Variants in PKNOX2 observed in about 807,000 individuals in gnomAD.
PKNOX2 encodes the protein homeobox protein PKNOX2.
In PKNOX2, 14 loss-of-function variants were observed where a neutral mutation model predicts 53.1. The observed-to-expected ratio is 0.26, with a 90% confidence interval of 0.17 to 0.41. The LOEUF (loss-of-function observed/expected upper bound fraction) is 0.41. Ranked by LOEUF, PKNOX2 falls within the 10% of genes least tolerant of loss-of-function variation. PKNOX2 has a pLI of 1.00. For missense variants in PKNOX2, 496 were observed against 602.8 expected (o/e 0.82, Z 1.85); for synonymous variants, 257 against 242.8 (o/e 1.06, Z -0.54).
At chr11:125,300,267 C>A (rs1947955774) in intron 2 of PKNOX2, among the ~76,000 whole-genome samples, 1 of 152,222 alleles carries the variant, frequency 6.6e-6, no homozygotes, top group East Asian at 1.9e-4. Flanking sequence ...CCCTCCCTAC[C>A]AGGCAATGAC....
intron 2 of PKNOX2, among the ~76,000 whole-genome samples, chr11:125,265,840 G>T (rs1398038574): frequency 2.0e-5 from 3 of 152,180 alleles, no homozygotes; most frequent in Non-Finnish European, 2.9e-5. Flanking sequence ...GGAGCTTAAA[G>T]AGGAATAGGC....
Position 125,303,481 on chromosome 11 carries a change from G to A in PKNOX2, c.-129-28338G>A, listed in dbSNP as rs573318344. Among the ~76,000 whole-genome samples the A allele has an allele frequency of 5.9e-5, 9 of 152,110 alleles. No homozygotes were observed. The South Asian group carries it at 1.2e-3, about 21-fold the overall frequency. ...GGGAAAGGATGTGGGGTGCAGGGTG[G>A]GTCTGGATACGTGGATGGTGAGCTC... is the stretch of plus-strand genomic sequence containing the variant. On this transcript the variant is annotated intron_variant, in intron 2 of 12. Transcript: ENST00000298282.
intron 10 of PKNOX2, among the ~76,000 whole-genome samples, chr11:125,417,947 T>C (rs1955978136): frequency 6.6e-6 from 1 of 151,988 alleles, no homozygotes; most frequent in Non-Finnish European, 1.5e-5. Flanking sequence ...TCACAAAAGC[T>C]GAGTGCACAA....
chr11:125,412,497 T>C (rs7119463), intron 10 of PKNOX2, among the ~76,000 whole-genome samples: 9,898 of 152,226 alleles, frequency 0.065, 964 homozygotes, highest in African/African-American at 0.22. Flanking sequence ...GGTTGCTATG[T>C]GTTTGTGTGC....
chr11:125,279,792 A>G (rs1946426425), intron 2 of PKNOX2, among the ~76,000 whole-genome samples: 1 of 152,190 alleles, frequency 6.6e-6, no homozygotes, highest in Non-Finnish European at 1.5e-5. Context: ...CTCTCCTTTC[A>G]GCCTGTGCAA....
In PKNOX2 at chr11:125,432,289, C is replaced by T. The variant is rs1956736598; in HGVS notation, c.*897C>T. On this transcript the variant is annotated 3_prime_UTR_variant, in exon 13 of 13. Coordinates refer to ENST00000298282, the MANE Select transcript of PKNOX2 (RefSeq NM_001382323.2). ...ATGTTCCCACCTTCAGTGCTCCACGCCCTCCATAGACCTTCAGAGAAGGTG... is the reference window on the plus strand; with the variant it reads ...ATGTTCCCACCTTCAGTGCTCCACGTCCTCCATAGACCTTCAGAGAAGGTG... The T allele has an allele frequency of 6.5e-6, 1 of 152,782 alleles. No homozygotes were observed. The highest frequency in any genetic ancestry group is 2.4e-5 in the African/African-American group (1 of 41,456). The allele number at this position is 152,782 out of a possible 1,614,324, so 9.5% of individuals were successfully genotyped here.
At chr11:125,195,297 C>T (rs1263465599) in intron 1 of PKNOX2, among the ~76,000 whole-genome samples, 1 of 152,184 alleles carries the variant, frequency 6.6e-6, no homozygotes. Flanking sequence ...TCTGTTGTGC[C>T]TTTATCCTCT....
chr11:125,286,820 G>A (rs1467240636), intron 2 of PKNOX2, among the ~76,000 whole-genome samples: 3 of 152,252 alleles, frequency 2.0e-5, no homozygotes, highest in East Asian at 1.9e-4. Flanking sequence ...TGGCATTGCC[G>A]TTTGGCCAGA....
chr11:125,386,271 C>T (rs1953623442), intron 6 of PKNOX2, among the ~76,000 whole-genome samples: 1 of 152,198 alleles, frequency 6.6e-6, no homozygotes, highest in Non-Finnish European at 1.5e-5. Flanking sequence ...TAGAGCATAA[C>T]TACAGTTTTA....
At chr11:125,292,994 C>T (rs943681729) in intron 2 of PKNOX2, among the ~76,000 whole-genome samples, 8 of 152,142 alleles carry the variant, frequency 5.3e-5, no homozygotes, top group African/African-American at 1.9e-4. Context: ...ACCTTGTTCA[C>T]AGGCCAACCC....
At chr11:125,308,892 T>C (rs970487502) in intron 2 of PKNOX2, among the ~76,000 whole-genome samples, 32 of 152,208 alleles carry the variant, frequency 2.1e-4, no homozygotes, top group Non-Finnish European at 2.6e-4. Context: ...ATCTTCTGCA[T>C]GGTAGTTCTT....
chr11:125,165,037 A>G lies in PKNOX2; in HGVS notation c.-201+261A>G, dbSNP rs1954748523. ...GGGAGCGTGCAGAGAGAAGCTGGGG[A>G]AGCGCCGGGAGAGCGCGGAGCGGAG... is the stretch of plus-strand genomic sequence containing the variant. On this transcript the variant is annotated intron_variant, in intron 1 of 12. Transcript: ENST00000298282. This position sits in a 1 kb window ranked among gnomAD's most constrained non-coding sequence, Gnocchi z 4.5. Among the ~76,000 whole-genome samples, 2 of 150,966 alleles carry G rather than the reference A, an allele frequency of 1.3e-5. No individual in the cohort carries two copies. The highest frequency in any genetic ancestry group is 4.2e-4 in the South Asian group (2 of 4,796).
At chr11:125,185,600 A>C (rs955163279) in intron 1 of PKNOX2, among the ~76,000 whole-genome samples, 4 of 152,232 alleles carry the variant, frequency 2.6e-5, no homozygotes, top group African/African-American at 9.6e-5. Flanking sequence ...AAGCAGAATC[A>C]TAATTTATTT....
chr11:125,234,909 A>C (rs1942536857), intron 1 of PKNOX2, 136 bp from the exon 2 acceptor site: 1 of 152,598 alleles, frequency 6.6e-6, no homozygotes, highest in South Asian at 2.1e-4. Context: ...CTCACTCAGC[A>C]CTGCGGGCAC....
At position 125,432,088 on chromosome 11, in the gene PKNOX2, G is replaced by A. The variant is rs1160806072; in HGVS notation, c.*696G>A. 1 of 152,472 alleles carries A rather than the reference G, an allele frequency of 6.6e-6. No individual in the cohort carries two copies. Among genetic ancestry groups the A allele is most frequent in the East Asian group, 1.9e-4 (1 of 5,192 alleles). 9.4% of individuals were successfully genotyped at this position (152,472 alleles called of 1,614,324 possible). On this transcript the variant is annotated 3_prime_UTR_variant, in exon 13 of 13. Coordinates refer to ENST00000298282, the MANE Select transcript of PKNOX2 (RefSeq NM_001382323.2). ...TCTCCTGGAAACCAACTGTAAGCTGGTGGGCTCAACCTGTGGGAGGTTAAG... is the reference window on the plus strand; with the variant it reads ...TCTCCTGGAAACCAACTGTAAGCTGATGGGCTCAACCTGTGGGAGGTTAAG...
chr11:125,303,038 T>C (rs933373232), intron 2 of PKNOX2, among the ~76,000 whole-genome samples: 3 of 152,082 alleles, frequency 2.0e-5, no homozygotes, highest in Admixed American at 1.3e-4. Context: ...AGTGCCTCTA[T>C]TCCTCCATGT....
At chr11:125,302,983 C>T (rs1948178838) in intron 2 of PKNOX2, among the ~76,000 whole-genome samples, 1 of 152,156 alleles carries the variant, frequency 6.6e-6, no homozygotes. Flanking sequence ...TTCCTGAGAG[C>T]TTAGGGCCCC....
chr11:125,229,946 C>T (rs1942059846), intron 1 of PKNOX2, among the ~76,000 whole-genome samples: 1 of 152,202 alleles, frequency 6.6e-6, no homozygotes, highest in Non-Finnish European at 1.5e-5. Context: ...TAAGTATGTC[C>T]ACTTCTTCCT....
chr11:125,359,629 C>T (rs1951815273), intron 4 of PKNOX2, among the ~76,000 whole-genome samples: 1 of 152,216 alleles, frequency 6.6e-6, no homozygotes, highest in Admixed American at 6.5e-5. Context: ...CTGACCTCTT[C>T]CCGGGTCCTT....
Sources: allele counts gnomAD v4.1 joint callset (sites outside exome capture counted in the v4.1 genomes callset), GRCh38; gene constraint gnomAD v4.1.1; non-coding constraint Gnocchi (gnomAD v3.1); transcripts MANE v1.5; gene names NCBI Gene and HGNC (gene_info 2026-07-23, HGNC 2026-07-21).